Variants in DNAH12 observed in about 807,000 individuals in gnomAD.
DNAH12 encodes dynein axonemal heavy chain 12, also known as axonemal beta dynein heavy chain 12.
DNAH12 carries 285 observed loss-of-function variants against 371.5 expected under a neutral mutation model. The observed-to-expected ratio is 0.77, with a 90% confidence interval of 0.70 to 0.85. DNAH12 has a LOEUF of 0.85. DNAH12 is among the 40% of genes least tolerant of loss of function. The pLI, the probability that DNAH12 is intolerant of heterozygous loss-of-function variation, is 0.00. For missense variants in DNAH12, 3,611 were observed against 3,689.4 expected (o/e 0.98, Z 0.55); for synonymous variants, 1,200 against 1,213.0 (o/e 0.99, Z 0.22).
chr3:57,508,340 A>C, intron 7 of DNAH12, 42 bp downstream of exon 7: 1 of 1,518,404 alleles, frequency 6.6e-7, no homozygotes, highest in Non-Finnish European at 8.8e-7. Context: ...ATATAGACTC[A>C]AGCAAGGAGA....
intron 23 of DNAH12, among the ~76,000 whole-genome samples, chr3:57,454,228 C>T (rs1382335263): frequency 6.6e-6 from 1 of 152,094 alleles, no homozygotes; most frequent in Non-Finnish European, 1.5e-5. Flanking sequence ...TGCCTCTAAT[C>T]CCAGCACTTT....
chr3:57,475,833 G>C (rs191412196), intron 13 of DNAH12, among the ~76,000 whole-genome samples: 293 of 152,216 alleles, frequency 1.9e-3, no homozygotes, highest in African/African-American at 6.7e-3. Context: ...ACTGCTAATA[G>C]GAGTCTAAAA....
chr3:57,470,538 C>CA lies in DNAH12; in HGVS notation c.2009dup (p.Leu670PhefsTer6), dbSNP rs2066336063. ...ATTTATCCAGTTCAGGATATTTTGTCAATTCCCACTTGAAAAGTTCCTCTT... is the reference window on the plus strand; with the variant it reads ...ATTTATCCAGTTCAGGATATTTTGTCAAATTCCCACTTGAAAAGTTCCTCTT... On this transcript the variant is annotated frameshift_variant, in exon 16 of 74. Coordinates refer to ENST00000495027, the MANE Select transcript of DNAH12 (RefSeq NM_001366028.2). LOFTEE classifies it high-confidence loss of function. 6.5e-7 allele frequency: 1 copy of CA among 1,549,970 alleles called. No individual in the cohort carries two copies. Among genetic ancestry groups the CA allele is most frequent in the African/African-American group, 1.4e-5 (1 of 72,958 alleles).
chr3:57,424,146 T>C (rs2064682805), intron 35 of DNAH12, among the ~76,000 whole-genome samples: 1 of 152,142 alleles, frequency 6.6e-6, no homozygotes, highest in Non-Finnish European at 1.5e-5. Context: ...ATTAAATCAC[T>C]TTATTGTTGA....
At chr3:57,338,574 G>A (rs552549321) in intron 60 of DNAH12, among the ~76,000 whole-genome samples, 3 of 150,002 alleles carry the variant, frequency 2.0e-5, no homozygotes, top group East Asian at 4.0e-4. Context: ...GAAGTGAGGA[G>A]CGCCTCTGCC....
intron 25 of DNAH12, among the ~76,000 whole-genome samples, chr3:57,451,634 G>A (rs1047699751): frequency 6.6e-6 from 1 of 152,174 alleles, no homozygotes; most frequent in Admixed American, 6.5e-5. Flanking sequence ...GCGAGATTCT[G>A]TCTCAGAACA....
chr3:57,520,026 C>A, intron 4 of DNAH12: 1 of 733,812 alleles, frequency 1.4e-6, no homozygotes, highest in Non-Finnish European at 2.3e-6. Flanking sequence ...CGCCGCGGAG[C>A]CGATGGCCGA....
Position 57,322,336 on chromosome 3 carries a change from A to G in DNAH12, c.10524+7T>C. On this transcript the variant is annotated splice_region_variant and intron_variant, in intron 65 of 73. Transcript: ENST00000495027. ...ACATTTTAAAAGTTCCAAAAGATGAATATTACCAGTTCCTTTCCACGGCAT... is the reference window on the plus strand; with the variant it reads ...ACATTTTAAAAGTTCCAAAAGATGAGTATTACCAGTTCCTTTCCACGGCAT... The G allele has an allele frequency of 1.3e-6, 2 of 1,548,340 alleles. No individual in the cohort carries two copies. The highest frequency in any genetic ancestry group is 2.4e-5 in the East Asian group (1 of 40,880).
intron 13 of DNAH12, among the ~76,000 whole-genome samples, chr3:57,476,515 A>G (rs1181057717): frequency 3.3e-5 from 5 of 152,044 alleles, no homozygotes; most frequent in Admixed American, 6.6e-5. Context: ...AGTGAGCCAA[A>G]ACCTCACCAC....
chr3:57,494,200 C>G (rs1468813798), intron 11 of DNAH12, among the ~76,000 whole-genome samples: 4 of 152,008 alleles, frequency 2.6e-5, no homozygotes, highest in Admixed American at 6.6e-5. Context: ...CCATTGCACT[C>G]CAGTCTGGAT....
intron 73 of DNAH12, among the ~76,000 whole-genome samples, chr3:57,294,625 A>T (rs1003599528): frequency 6.6e-6 from 1 of 152,220 alleles, no homozygotes; most frequent in Non-Finnish European, 1.5e-5. Context: ...AATACAGTAT[A>T]GGTAGTGGGG....
intron 36 of DNAH12, 37 bp from the exon 37 acceptor site, chr3:57,419,555 T>A: frequency 7.4e-7 from 1 of 1,352,636 alleles, no homozygotes; most frequent in South Asian, 1.9e-5. Context: ...ATTAAAACCA[T>A]GTACTTGCTG....
At chr3:57,494,274 T>G (rs1412913482) in intron 11 of DNAH12, among the ~76,000 whole-genome samples, 1 of 150,990 alleles carries the variant, frequency 6.6e-6, no homozygotes, top group Non-Finnish European at 1.5e-5. Flanking sequence ...CTACATTGGC[T>G]GGGCCCAGTG....
At position 57,461,508 on chromosome 3, in the gene DNAH12, G is replaced by C; in HGVS notation, c.2717C>G (p.Pro906Arg). Residue 906 changes from proline (P) to arginine (R), a missense_variant, in exon 19 of 74, where the codon CCA becomes CGA. By Grantham distance (103) the Pro-to-Arg change is moderately radical. Coordinates refer to ENST00000495027, the MANE Select transcript of DNAH12 (RefSeq NM_001366028.2). ...QTMRGSPFIK[P>R]FEHEIKAWED... is the part of the protein sequence containing the mutation. ...ACATACCTTGATCTCATGTTCAAATGGTTTGATGAAAGGTGAGCCTCTCAT... is the reference window on the plus strand; with the variant it reads ...ACATACCTTGATCTCATGTTCAAATCGTTTGATGAAAGGTGAGCCTCTCAT... The C allele has an allele frequency of 6.4e-7, 1 of 1,551,238 alleles. No homozygotes were observed. The highest frequency in any genetic ancestry group is 8.7e-7 in the Non-Finnish European group (1 of 1,146,798).
intron 66 of DNAH12, 93 bp downstream of exon 66, chr3:57,314,401 G>T: frequency 6.9e-7 from 1 of 1,456,806 alleles, no homozygotes; most frequent in Non-Finnish European, 9.3e-7. Context: ...TGTTAGTGTT[G>T]GGAGAAGTGA....
chr3:57,342,626 C>T (rs1275163270), intron 60 of DNAH12, among the ~76,000 whole-genome samples: 1 of 129,140 alleles, frequency 7.7e-6, no homozygotes, highest in Non-Finnish European at 1.6e-5. Flanking sequence ...CCACTGCACT[C>T]CAGCCTGGGC....
intron 38 of DNAH12, among the ~76,000 whole-genome samples, chr3:57,415,078 T>C (rs1191545501): frequency 1.3e-5 from 2 of 152,042 alleles, no homozygotes; most frequent in East Asian, 3.9e-4. Context: ...CAATTCAAAG[T>C]TCTCTCATTT....
intron 29 of DNAH12, among the ~76,000 whole-genome samples, chr3:57,440,575 C>G (rs966823085): frequency 2.6e-5 from 4 of 152,182 alleles, no homozygotes; most frequent in African/African-American, 9.7e-5. Context: ...CTATTGGGTA[C>G]TATGCTCAGT....
intron 65 of DNAH12, among the ~76,000 whole-genome samples, chr3:57,317,844 T>G (rs2061719856): frequency 6.6e-6 from 1 of 152,212 alleles, no homozygotes. Context: ...TTTGTTTTTT[T>G]GAAAATAGCC....
Sources: allele counts gnomAD v4.1 joint callset (sites outside exome capture counted in the v4.1 genomes callset), GRCh38; gene constraint gnomAD v4.1.1; transcripts MANE v1.5; gene names NCBI Gene and HGNC (gene_info 2026-07-23, HGNC 2026-07-21).